The following LSAMP variants were observed in gnomAD, a reference collection of about 807,000 sequenced individuals.
LSAMP encodes limbic system associated membrane protein.
A neutral mutation model predicts 38.6 loss-of-function variants in LSAMP; 7 were observed. The observed-to-expected ratio is 0.18, with a 90% confidence interval of 0.10 to 0.34. LSAMP has a LOEUF of 0.34. LSAMP is among the 10% of genes least tolerant of loss of function. LSAMP has a pLI of 1.00. For missense variants in LSAMP, 313 were observed against 420.0 expected (o/e 0.75, Z 2.23); for synonymous variants, 154 against 166.8 (o/e 0.92, Z 0.59).
intron 2 of LSAMP, among the ~76,000 whole-genome samples, chr3:116,035,627 C>T (rs189943633): frequency 6.6e-6 from 1 of 152,208 alleles, no homozygotes; most frequent in African/African-American, 2.4e-5. Context: ...ACATTTAATC[C>T]TTGGTTTATA....
intron 1 of LSAMP, among the ~76,000 whole-genome samples, chr3:116,368,541 C>T (rs1203528918): frequency 6.6e-6 from 1 of 152,154 alleles, no homozygotes; most frequent in Admixed American, 6.5e-5. Flanking sequence ...AAAATATTCA[C>T]AAAGCTGCAT....
At chr3:116,113,084 C>G (rs967992270) in intron 1 of LSAMP, among the ~76,000 whole-genome samples, 2 of 151,650 alleles carry the variant, frequency 1.3e-5, no homozygotes, top group Non-Finnish European at 2.9e-5. Flanking sequence ...GATGCATACA[C>G]AAACTCTGTG....
intron 1 of LSAMP, among the ~76,000 whole-genome samples, chr3:116,220,873 G>A (rs772443614): frequency 1.4e-4 from 22 of 152,170 alleles, no homozygotes; most frequent in Admixed American, 7.9e-4. Context: ...AAGGGGAAGC[G>A]GCTGGGCGCA....
intron 2 of LSAMP, among the ~76,000 whole-genome samples, chr3:116,070,513 A>G (rs1007782667): frequency 3.9e-5 from 6 of 152,216 alleles, no homozygotes; most frequent in African/African-American, 1.4e-4. Flanking sequence ...TTGGCTAGAC[A>G]GGCAAATTAT....
At chr3:116,121,258 T>C (rs1207147488) in intron 1 of LSAMP, among the ~76,000 whole-genome samples, 1 of 152,228 alleles carries the variant, frequency 6.6e-6, no homozygotes, top group Non-Finnish European at 1.5e-5. Context: ...ATAAGCATGC[T>C]ATCAACATCC....
chr3:116,085,626 C>T lies in LSAMP; in HGVS notation c.388+698G>A, dbSNP rs78262344. 1.3e-4 allele frequency among the ~76,000 whole-genome samples: 20 copies of T among 152,166 alleles called. No individual in the cohort carries two copies. The East Asian group carries it at 2.5e-3, about 19-fold the overall frequency. On this transcript the variant is annotated intron_variant, in intron 2 of 6. Coordinates refer to ENST00000490035, the MANE Select transcript of LSAMP (RefSeq NM_002338.5). The stretch of plus-strand genomic sequence containing the variant: ...CTTTGTTCTCATTCTGCAATTATGG[C>T]GAAAGAAACCCAATTGAGCAACAGT...
intron 3 of LSAMP, among the ~76,000 whole-genome samples, chr3:115,902,325 A>T (rs1444268968): frequency 6.6e-6 from 1 of 152,090 alleles, no homozygotes; most frequent in Non-Finnish European, 1.5e-5. Flanking sequence ...ATAGGAAACA[A>T]TATAAAAATT....
At chr3:116,009,972 A>C (rs746441707) in intron 3 of LSAMP, among the ~76,000 whole-genome samples, 7 of 152,134 alleles carry the variant, frequency 4.6e-5, no homozygotes, top group Non-Finnish European at 8.8e-5. Context: ...GCTGGAGTGC[A>C]GTGGTACAAT....
chr3:116,317,360 T>TTTC (rs2047644566), intron 1 of LSAMP, among the ~76,000 whole-genome samples: 1 of 150,168 alleles, frequency 6.7e-6, no homozygotes, highest in Non-Finnish European at 1.5e-5. Flanking sequence ...TTCTTTCTTT[T>TTTC]TTTTTTTTTT....
intron 1 of LSAMP, among the ~76,000 whole-genome samples, chr3:116,437,530 C>T (rs1032211853): frequency 3.3e-5 from 5 of 151,932 alleles, no homozygotes; most frequent in Non-Finnish European, 7.4e-5. Context: ...TTGACCAGCA[C>T]TAACTGGATG....
intron 1 of LSAMP, among the ~76,000 whole-genome samples, chr3:116,342,333 C>T (rs543506777): frequency 6.6e-6 from 1 of 152,128 alleles, no homozygotes; most frequent in Non-Finnish European, 1.5e-5. Context: ...TTCCAGAATG[C>T]ACATCAAATC....
intron 2 of LSAMP, among the ~76,000 whole-genome samples, chr3:116,035,993 C>T (rs570801305): frequency 1.3e-5 from 2 of 152,264 alleles, no homozygotes; most frequent in East Asian, 1.9e-4. Flanking sequence ...CTTGTCACAG[C>T]GACTGTGGTG....
At chr3:116,151,404 G>A (rs1030466918) in intron 1 of LSAMP, among the ~76,000 whole-genome samples, 1 of 151,976 alleles carries the variant, frequency 6.6e-6, no homozygotes, top group Non-Finnish European at 1.5e-5. Flanking sequence ...GCAGGAATGA[G>A]TGTCCCAACA....
chr3:116,243,759 T>C (rs1312170855), intron 1 of LSAMP, among the ~76,000 whole-genome samples: 5 of 152,314 alleles, frequency 3.3e-5, no homozygotes, highest in Admixed American at 2.6e-4. Flanking sequence ...TAAATGTCTA[T>C]AGGAATGTGG....
chr3:116,334,076 C>T (rs547856353), intron 1 of LSAMP, among the ~76,000 whole-genome samples: 1 of 151,830 alleles, frequency 6.6e-6, no homozygotes, highest in South Asian at 2.1e-4. Context: ...ACTATTGATT[C>T]TACAGAAATA....
intron 1 of LSAMP, among the ~76,000 whole-genome samples, chr3:116,341,297 G>A (rs185805812): frequency 6.6e-6 from 1 of 151,832 alleles, no homozygotes; most frequent in African/African-American, 2.4e-5. Flanking sequence ...GTTGTTGTTG[G>A]TGGTGGTGGT....
intron 1 of LSAMP, among the ~76,000 whole-genome samples, chr3:116,333,382 T>C (rs937205924): frequency 6.6e-6 from 1 of 151,928 alleles, no homozygotes; most frequent in South Asian, 2.1e-4. Flanking sequence ...CTACTAAAAA[T>C]GCAAAAATTA....
At chr3:116,212,238 G>A (rs747824388) in intron 1 of LSAMP, among the ~76,000 whole-genome samples, 16 of 152,240 alleles carry the variant, frequency 1.1e-4, no homozygotes, top group Non-Finnish European at 1.9e-4. Context: ...GGAAAGATGC[G>A]CAAAGTTCAG....
intron 3 of LSAMP, among the ~76,000 whole-genome samples, chr3:115,876,762 CT>C (rs1289112812): frequency 6.6e-6 from 1 of 152,092 alleles, no homozygotes; most frequent in Admixed American, 6.6e-5. Context: ...ATATTCTTCT[CT>C]TATCCATTGT....
Sources: allele counts gnomAD v4.1 joint callset (sites outside exome capture counted in the v4.1 genomes callset), GRCh38; gene constraint gnomAD v4.1.1; transcripts MANE v1.5; gene names NCBI Gene and HGNC (gene_info 2026-07-23, HGNC 2026-07-21).